Variants in DCTN1 observed in about 807,000 individuals in gnomAD.
DCTN1 encodes the protein dynactin subunit 1, also known as 150 kDa dynein-associated polypeptide.
In DCTN1, 61 loss-of-function variants were observed where a neutral mutation model predicts 161.2. The observed-to-expected ratio is 0.38, with a 90% CI of 0.31 to 0.47. The LOEUF is 0.47. DCTN1 is among the 20% of genes least tolerant of loss of function. The pLI, the probability that DCTN1 is intolerant of heterozygous loss-of-function variation, is 0.99. For synonymous variants in DCTN1, 653 were observed against 632.4 expected (o/e 1.03, Z -0.49); for missense variants, 1,404 against 1,623.7 (o/e 0.86, Z 2.33).
chr2:74,371,475 C>T (rs1674840245), intron 8 of DCTN1, 62 bp downstream of exon 8: 39 of 1,494,758 alleles, frequency 2.6e-5, no homozygotes, highest in Non-Finnish European at 3.4e-5. Flanking sequence ...TTTCAAGACA[C>T]AGCGGGTAGC....
intron 1 of DCTN1, among the ~76,000 whole-genome samples, chr2:74,388,499 T>G (rs779605890): frequency 6.6e-6 from 1 of 152,346 alleles, no homozygotes; most frequent in South Asian, 2.1e-4. Context: ...CATCTGCAAA[T>G]GTTACAAATG....
chr2:74,380,150 C>A lies in DCTN1; in HGVS notation c.-113G>T. The A allele has an allele frequency of 1.7e-6, 2 of 1,174,486 alleles. No individual in the cohort carries two copies. The highest frequency in any genetic ancestry group is 1.2e-5 in the South Asian group (1 of 80,582). 72.8% of individuals were successfully genotyped at this position (1,174,486 alleles called of 1,614,324 possible). A position where few individuals can be genotyped will look rare whatever the true frequency, so the allele number is the denominator to read the frequency against. On this transcript the variant is annotated 5_prime_UTR_variant, in exon 1 of 32. Transcript: ENST00000628224. Reference sequence around the variant, plus strand: ...GGCCCTCATAGAGGGACACAGGAGTCGTCAGGCACAGCCCTCCCCAGTCCA... The same window carrying A: ...GGCCCTCATAGAGGGACACAGGAGTAGTCAGGCACAGCCCTCCCCAGTCCA...
chr2:74,386,735 A>T (rs190762129), intron 1 of DCTN1: 33 of 152,328 alleles, frequency 2.2e-4, no homozygotes, highest in African/African-American at 7.0e-4. Context: ...ATCTGCATGC[A>T]TATGTCATTA....
chr2:74,361,358 G>A lies in DCTN1; in HGVS notation c.*141C>T. Reference sequence around the variant, plus strand: ...GGTCAAGGTGAAGGGGCAGGACGCTGAAAGGGTGGGAGTGAAGCTGAACGG... The same window carrying A: ...GGTCAAGGTGAAGGGGCAGGACGCTAAAAGGGTGGGAGTGAAGCTGAACGG... On this transcript the variant is annotated 3_prime_UTR_variant, in exon 32 of 32. Transcript: ENST00000628224. 2 of 1,207,684 alleles carry A rather than the reference G, an allele frequency of 1.7e-6. No individual in the cohort carries two copies. Among genetic ancestry groups the A allele is most frequent in the Non-Finnish European group, 1.2e-6 (1 of 843,088 alleles). 74.8% of individuals were successfully genotyped at this position (1,207,684 alleles called of 1,614,324 possible).
rs778229059 is a variant in DCTN1, at chr2:74,374,227, A to C, written c.432+96T>G. On this transcript the variant is annotated intron_variant, in intron 6 of 31. Transcript: ENST00000628224. ...CTCACCCGCCTCCCCGACCAGGTAG[A>C]CAGATGAAGTCAATCAGCCCCCACC... 4 of 1,308,496 alleles carry C rather than the reference A, an allele frequency of 3.1e-6. No homozygotes were observed. In the East Asian group the frequency reaches 7.0e-5, roughly 23 times the overall value. 81.1% of individuals were successfully genotyped at this position (1,308,496 alleles called of 1,614,324 possible).
chr2:74,370,081 G>C lies in DCTN1; in HGVS notation c.1288-12C>G. 6.2e-7 allele frequency: 1 copy of C among 1,614,158 alleles called. No homozygotes were observed. The highest frequency in any genetic ancestry group is 2.2e-5 in the East Asian group (1 of 44,884). ...AGAGCAGCATCCACCTGTGTTACGGGGAGGATAGGGAGAAGGGCTGCTGGA... is the reference window on the plus strand; with the variant it reads ...AGAGCAGCATCCACCTGTGTTACGGCGAGGATAGGGAGAAGGGCTGCTGGA... On this transcript the variant is annotated splice_polypyrimidine_tract_variant and intron_variant, in intron 12 of 31. Coordinates refer to ENST00000628224, the MANE Select transcript of DCTN1 (RefSeq NM_004082.5). The surrounding 1 kb of genome is among the most constrained non-coding windows in gnomAD (Gnocchi z 4.4).
rs1302206075 is a variant in DCTN1, at chr2:74,370,829, A to G, written c.844-4T>C. On this transcript the variant is annotated splice_region_variant and splice_polypyrimidine_tract_variant and intron_variant, in intron 9 of 31. Transcript: ENST00000628224. The surrounding 1 kb of genome is among the most constrained non-coding windows in gnomAD (Gnocchi z 4.4). ...CCTCCAGCGCCTCCTTGGCTTCCTGAGGAAGAAGTGGAGGTGGGAGGGGGT... is the reference window on the plus strand; with the variant it reads ...CCTCCAGCGCCTCCTTGGCTTCCTGGGGAAGAAGTGGAGGTGGGAGGGGGT... 3.1e-6 allele frequency: 5 copies of G among 1,614,010 alleles called. No homozygotes were observed. The highest frequency in any genetic ancestry group is 1.7e-6 in the Non-Finnish European group (2 of 1,180,032).
chr2:74,370,039 C>T lies in DCTN1; in HGVS notation c.1318G>A (p.Val440Met). ...AGGTTCCGATCTGTCAGCATCTCCA[C>T]CATCTCCTCAGCACCCAGAGCAGCA... ...VDAALGAEEM[V>M]EMLTDRNLNL... Residue 440 changes from valine to methionine, a missense_variant, in exon 13 of 32, where the codon GTG becomes ATG. Transcript: ENST00000628224. The surrounding 1 kb of genome is among the most constrained non-coding windows in gnomAD (Gnocchi z 4.4). The T allele has an allele frequency of 6.2e-7, 1 of 1,614,212 alleles. No homozygotes were observed. Among genetic ancestry groups the T allele is most frequent in the Non-Finnish European group, 8.5e-7 (1 of 1,180,042 alleles).
At chr2:74,366,999 G>A in intron 20 of DCTN1, 46 bp downstream of exon 20, 1 of 1,614,136 alleles carries the variant, frequency 6.2e-7, no homozygotes, top group East Asian at 2.2e-5. Flanking sequence ...AGGAAGTGAG[G>A]ACTAAGAAAG....
rs1674725798 is a variant in DCTN1, at chr2:74,370,121, A to G, written c.1288-52T>C. On this transcript the variant is annotated intron_variant, in intron 12 of 31. Transcript: ENST00000628224. This position sits in a 1 kb window ranked among gnomAD's most constrained non-coding sequence, Gnocchi z 4.4. ...GGGCTGCTGGAAGGTACCTAGAAAG[A>G]GGAGGCATCAACTGATAGGAGAGTC... 8.7e-6 allele frequency: 14 copies of G among 1,613,902 alleles called. No individual in the cohort carries two copies. The highest frequency in any genetic ancestry group is 1.2e-5 in the Non-Finnish European group (14 of 1,179,962).
intron 16 of DCTN1, 148 bp from the exon 17 acceptor site, chr2:74,368,279 T>C (rs1674573733): frequency 9.3e-7 from 1 of 1,072,682 alleles, no homozygotes; most frequent in Admixed American, 2.1e-5. Flanking sequence ...GGGTGGGGAA[T>C]CTTGCATGGG....
At chr2:74,364,935 GCA>G in intron 26 of DCTN1, 138 bp downstream of exon 26, 3 of 1,083,744 alleles carry the variant, frequency 2.8e-6, no homozygotes, top group Non-Finnish European at 2.8e-6. Context: ...GTGAAAACTG[GCA>G]CAGAGTGAAA....
Position 74,369,310 on chromosome 2 carries a change from G to T in DCTN1, c.1574C>A (p.Ala525Asp). 6.2e-7 allele frequency: 1 copy of T among 1,614,230 alleles called. No homozygotes were observed. Among genetic ancestry groups the T allele is most frequent in the Non-Finnish European group, 8.5e-7 (1 of 1,180,048 alleles). Residue 525 changes from alanine (A) to aspartate (D), a missense_variant, in exon 14 of 32, where the codon GCC becomes GAC. By Grantham distance (126) the Ala-to-Asp change is moderately radical (BLOSUM62 -2). This residue lies in a region of DCTN1 where 278 missense variants were observed against 363.8 expected (regional missense o/e 0.76). Transcript: ENST00000628224. The surrounding 1 kb of genome is among the most constrained non-coding windows in gnomAD (Gnocchi z 4.9). The stretch of plus-strand genomic sequence containing the variant: ...ACAGTGGGCATGTACCTGTAGATGG[G>T]CGGTCAGCTGGCGGTACTTCTTGAT... ...QTIKKYRQLT[A>D]HLQDVNRELT...
chr2:74,377,681 G>T lies in DCTN1; in HGVS notation c.325C>A (p.Pro109Thr), dbSNP rs146896442. 5.0e-6 allele frequency: 8 copies of T among 1,614,150 alleles called. No homozygotes were observed. The Admixed American group carries it at 1.3e-4, about 27-fold the overall frequency. Residue 109 changes from proline to threonine, a missense_variant, in exon 3 of 32, where the codon CCT becomes ACT. Pro to Thr is a conservative substitution (Grantham distance 38). Transcript: ENST00000628224. ...DGADTTSPET[P>T]DSSASKVLKR... ...AGGACTTTTGAAGCAGAAGAATCAGGTGTCTCTGGGGAAGTAGTATCTGCT... is the reference window on the plus strand; with the variant it reads ...AGGACTTTTGAAGCAGAAGAATCAGTTGTCTCTGGGGAAGTAGTATCTGCT...
chr2:74,364,599 C>A (rs1375172733), intron 26 of DCTN1: 2 of 245,876 alleles, frequency 8.1e-6, no homozygotes, highest in Non-Finnish European at 1.6e-5. Flanking sequence ...CCAAGTGAAA[C>A]TGGGATAATT....
At chr2:74,367,538 G>T in intron 18 of DCTN1, 118 bp from the exon 19 acceptor site, 1 of 1,480,284 alleles carries the variant, frequency 6.8e-7, no homozygotes, top group Non-Finnish European at 9.3e-7. Flanking sequence ...AGAATCCAAA[G>T]CCCTCAAGCA....
At chr2:74,363,892 T>G in intron 26 of DCTN1, 1 of 547,352 alleles carries the variant, frequency 1.8e-6, no homozygotes. Context: ...GAGTGTGCAC[T>G]GTACAAAGTA....
intron 24 of DCTN1, 87 bp downstream of exon 24, chr2:74,365,806 G>A (rs887643966): frequency 7.9e-5 from 128 of 1,612,790 alleles, no homozygotes; most frequent in South Asian, 9.9e-5. Context: ...CTCCCAAGCC[G>A]TCTTGGTCCC....
rs1196139626 is a variant in DCTN1 at position 74,378,048 on chromosome 2, C to T, written c.231G>A (p.Lys77=). Residue 77 remains lysine, a synonymous_variant, in exon 2 of 32, where the codon AAG becomes AAA. Coordinates refer to ENST00000628224, the MANE Select transcript of DCTN1 (RefSeq NM_004082.5). ...GKNDGTVQGR[K]YFTCDEGHGI... is the part of the protein sequence containing the mutation. ...CATGCCCTTCATCACAAGTGAAGTA[C>T]TTCCTGCCTTGAACAGTTCCATCAT... 4 of 1,614,164 alleles carry T rather than the reference C, an allele frequency of 2.5e-6. No individual in the cohort carries two copies. The highest frequency in any genetic ancestry group is 3.4e-6 in the Non-Finnish European group (4 of 1,180,058).
Sources: gnomAD v4.1 joint callset for allele counts (sites outside exome capture counted in the v4.1 genomes callset) on GRCh38, gnomAD v4.1.1 for gene constraint, gnomAD v4.1.1 regional missense constraint, Gnocchi (gnomAD v3.1) non-coding constraint, MANE v1.5 for transcripts, NCBI Gene and HGNC (gene_info 2026-07-23, HGNC 2026-07-21) for gene names.